PDE11A: variants seen among roughly 807,000 people sequenced by gnomAD.
PDE11A encodes the protein dual 3',5'-cyclic-AMP and -GMP phosphodiesterase 11A.
A neutral mutation model predicts 100.5 loss-of-function variants in PDE11A; 100 were observed. The observed-to-expected ratio is 1.00, with a 90% CI of 0.85 to 1.18. The LOEUF (loss-of-function observed/expected upper bound fraction) is 1.18, where lower values mean the gene tolerates loss of function less well. PDE11A is among the 50% of genes most tolerant of loss of function. The pLI is 0.00. For missense variants in PDE11A, 1,141 were observed against 1,152.6 expected (o/e 0.99, Z 0.15); for synonymous variants, 381 against 420.8 (o/e 0.91, Z 1.16).
chr2:177,989,396 G>A (rs554962511), intron 2 of PDE11A, among the ~76,000 whole-genome samples: 16 of 152,180 alleles, frequency 1.1e-4, no homozygotes, highest in African/African-American at 3.4e-4. Flanking sequence ...ACTCAGAGGC[G>A]AGCTACAAAT....
chr2:177,666,946 C>A (rs1382018870), intron 18 of PDE11A, among the ~76,000 whole-genome samples: 1 of 22,990 alleles, frequency 4.3e-5, no homozygotes, highest in Non-Finnish European at 1.4e-4. Flanking sequence ...TTGAGAGAGT[C>A]TTGCTCTGTC....
At chr2:178,058,148 G>T (rs921572236) in intron 1 of PDE11A, among the ~76,000 whole-genome samples, 2 of 151,958 alleles carry the variant, frequency 1.3e-5, no homozygotes, top group African/African-American at 4.8e-5. Context: ...GAGCCACTGC[G>T]CCTGGCCCCT....
chr2:177,967,556 G>A (rs2085714743), intron 2 of PDE11A, among the ~76,000 whole-genome samples: 1 of 151,608 alleles, frequency 6.6e-6, no homozygotes, highest in Non-Finnish European at 1.5e-5. Flanking sequence ...ATGAAGGAAT[G>A]ATTGAATAAA....
chr2:177,652,500 A>AT (rs990621484), intron 19 of PDE11A, among the ~76,000 whole-genome samples: 1 of 152,040 alleles, frequency 6.6e-6, no homozygotes, highest in African/African-American at 2.4e-5. Context: ...GCCAACTAAG[A>AT]TTTTTTTCCT....
At chr2:177,836,808 G>A (rs1051382373) in intron 6 of PDE11A, among the ~76,000 whole-genome samples, 2 of 152,140 alleles carry the variant, frequency 1.3e-5, no homozygotes, top group African/African-American at 2.4e-5. Flanking sequence ...GCCACCTGAA[G>A]AGCTGTAACA....
intron 6 of PDE11A, among the ~76,000 whole-genome samples, chr2:177,838,021 T>C (rs1008723627): frequency 1.3e-5 from 2 of 152,222 alleles, no homozygotes; most frequent in Non-Finnish European, 2.9e-5. Flanking sequence ...TTTTTCTCCA[T>C]TTTGTCTTGC....
At chr2:177,830,969 C>T (rs1322433700) in intron 6 of PDE11A, among the ~76,000 whole-genome samples, 1 of 152,204 alleles carries the variant, frequency 6.6e-6, no homozygotes. Context: ...AGTTCTAGCT[C>T]TGTGACATAT....
intron 7 of PDE11A, among the ~76,000 whole-genome samples, chr2:177,818,964 T>TATAC (rs36021106): frequency 1.3e-5 from 2 of 151,836 alleles, no homozygotes; most frequent in Non-Finnish European, 2.9e-5. Context: ...CATATATATA[T>TATAC]AAATAATGAA....
At chr2:177,635,381 T>G (rs1438790750) in intron 19 of PDE11A, among the ~76,000 whole-genome samples, 1 of 152,128 alleles carries the variant, frequency 6.6e-6, no homozygotes, top group Non-Finnish European at 1.5e-5. Flanking sequence ...GGGCCCCATG[T>G]TCCTTCCAGT....
intron 2 of PDE11A, among the ~76,000 whole-genome samples, chr2:178,005,777 T>C (rs191291332): frequency 6.6e-6 from 1 of 152,350 alleles, no homozygotes; most frequent in East Asian, 1.9e-4. Flanking sequence ...TCCTCCAGAT[T>C]CAGCACTGTA....
intron 15 of PDE11A, among the ~76,000 whole-genome samples, chr2:177,695,009 CTGTT>C (rs919696977): frequency 2.8e-4 from 41 of 144,672 alleles, no homozygotes; most frequent in African/African-American, 9.7e-4. Context: ...TTTTTTTTTT[CTGTT>C]TGTTTGGCCT....
chr2:178,030,530 C>T (rs893231393), intron 1 of PDE11A, among the ~76,000 whole-genome samples: 1 of 151,870 alleles, frequency 6.6e-6, no homozygotes, highest in African/African-American at 2.4e-5. Context: ...ACCATTCTCC[C>T]AGTTCATTTG....
chr2:177,686,962 T>C (rs1208611670), intron 15 of PDE11A: 1 of 151,938 alleles, frequency 6.6e-6, no homozygotes, highest in Non-Finnish European at 1.5e-5. Flanking sequence ...GGTAATCCAC[T>C]CACCTCGGCC....
At chr2:177,886,692 A>G (rs924073904) in intron 4 of PDE11A, among the ~76,000 whole-genome samples, 1 of 152,204 alleles carries the variant, frequency 6.6e-6, no homozygotes, top group East Asian at 1.9e-4. Context: ...TTCCTGAATG[A>G]TACTGTTTTG....
At chr2:177,771,674 A>G (rs2105505027) in intron 9 of PDE11A, among the ~76,000 whole-genome samples, 1 of 152,318 alleles carries the variant, frequency 6.6e-6, no homozygotes, top group East Asian at 1.9e-4. Flanking sequence ...ACTTCTTAAA[A>G]CTCAACTAAA....
chr2:177,766,649 T>A (rs1005067981), intron 10 of PDE11A, among the ~76,000 whole-genome samples: 5 of 152,210 alleles, frequency 3.3e-5, no homozygotes, highest in African/African-American at 1.2e-4. Flanking sequence ...CAGTAAACGC[T>A]TTTCACTGTC....
At chr2:177,773,432 T>A (rs1332596738) in intron 9 of PDE11A, among the ~76,000 whole-genome samples, 1 of 152,236 alleles carries the variant, frequency 6.6e-6, no homozygotes, top group South Asian at 2.1e-4. Flanking sequence ...ATTAAATGTA[T>A]GTACAGTTAA....
intron 2 of PDE11A, among the ~76,000 whole-genome samples, chr2:177,928,307 G>A (rs558954658): frequency 6.6e-6 from 1 of 152,062 alleles, no homozygotes; most frequent in Non-Finnish European, 1.5e-5. Flanking sequence ...AACAGCCTGG[G>A]CCACAAAGTG....
At position 177,883,267 on chromosome 2, in the gene PDE11A, C is replaced by CAA. The variant is rs376882317; in HGVS notation, c.1303-7346_1303-7345dup. 2.4e-3 allele frequency among the ~76,000 whole-genome samples: 319 copies of CAA among 132,282 alleles called. 1 individual carries two copies. Among genetic ancestry groups the CAA allele is most frequent in the Non-Finnish European group, 3.6e-3 (220 of 61,236 alleles). The allele number at this position is 132,282 out of a possible 152,430, so 86.8% of individuals were successfully genotyped here. A position where few individuals can be genotyped will look rare whatever the true frequency, so the allele number is the denominator to read the frequency against. On this transcript the variant is annotated intron_variant, in intron 4 of 19. Coordinates refer to ENST00000286063, the MANE Select transcript of PDE11A (RefSeq NM_016953.4). ...TAAGTGACACAGCAAGACTCTGTCT[C>CAA]AAAAAAAAAAAAAAGAAAAAGAATG...
Sources: gnomAD v4.1 joint callset for allele counts (sites outside exome capture counted in the v4.1 genomes callset) on GRCh38, gnomAD v4.1.1 for gene constraint, MANE v1.5 for transcripts, NCBI Gene and HGNC (gene_info 2026-07-23, HGNC 2026-07-21) for gene names.